Variants in BRCA1 observed in about 807,000 individuals in gnomAD.
BRCA1 encodes the protein BRCA1 DNA repair associated.
In BRCA1, 140 loss-of-function variants were observed where a neutral mutation model predicts 173.7. That is an observed-to-expected ratio of 0.81 (90% CI 0.70 to 0.93). BRCA1 has a LOEUF of 0.93. Among genes scored for constraint, BRCA1 ranks in the 40% least tolerant of loss-of-function variants. The pLI, the probability that BRCA1 is intolerant of heterozygous loss-of-function variation, is 0.00. For missense variants in BRCA1, 1,983 were observed against 2,172.5 expected, an observed-to-expected ratio of 0.91 and a Z score of 1.73; for synonymous variants, 662 against 756.0, an observed-to-expected ratio of 0.88 and a Z score of 2.04.
chr17:43,123,674 C>T (rs558978558), intron 2 of BRCA1, among the ~76,000 whole-genome samples: 21 of 152,186 alleles, frequency 1.4e-4, no homozygotes, highest in South Asian at 4.1e-4. Flanking sequence ...TTTGCCATTT[C>T]AAGTGATGGA....
chr17:43,167,626 T>C (rs1465516816), intron 1 of BRCA1: 1 of 152,186 alleles, frequency 6.6e-6, no homozygotes, highest in African/African-American at 2.4e-5. Flanking sequence ...TTCTGCCCTT[T>C]AGTTTTTACT....
At chr17:43,059,383 G>A (rs2051647407) in intron 18 of BRCA1, among the ~76,000 whole-genome samples, 1 of 152,046 alleles carries the variant, frequency 6.6e-6, no homozygotes, top group Non-Finnish European at 1.5e-5. Flanking sequence ...AAAATCACTT[G>A]AACCGGGAGG....
At chr17:43,122,237 G>A (rs1209259382) in intron 2 of BRCA1, among the ~76,000 whole-genome samples, 1 of 152,070 alleles carries the variant, frequency 6.6e-6, no homozygotes, top group Non-Finnish European at 1.5e-5. Flanking sequence ...TTTATTGTGG[G>A]TAAGAGGCAA....
chr17:43,163,226 T>C (rs2056247364), intron 1 of BRCA1: 1 of 152,216 alleles, frequency 6.6e-6, no homozygotes, highest in Admixed American at 6.5e-5. Flanking sequence ...TCTAGTTGTT[T>C]TGAGAGATAG....
At chr17:43,133,025 G>T (rs1181260388) in intron 1 of BRCA1, 1 of 152,122 alleles carries the variant, frequency 6.6e-6, no homozygotes, top group Non-Finnish European at 1.5e-5. Context: ...GCTGTCCTCG[G>T]TCTCCCAAAG....
At chr17:43,139,330 G>A (rs530875814) in intron 1 of BRCA1, among the ~76,000 whole-genome samples, 7 of 147,726 alleles carry the variant, frequency 4.7e-5, no homozygotes, top group Non-Finnish European at 7.4e-5. Flanking sequence ...AGATTATTTC[G>A]TCACCCAGGC....
rs2154489161 is a variant in BRCA1, at chr17:43,094,677, T to C, written c.854A>G (p.His285Arg). 1.9e-6 allele frequency: 3 copies of C among 1,614,106 alleles called. No individual in the cohort carries two copies. Among genetic ancestry groups the C allele is most frequent in the South Asian group, 2.2e-5 (2 of 91,084 alleles). ...AGTGAGTAATAAACTGCTGTTCTCATGCTGTAATGAGCTGGCATGAGTATT... is the reference window on the plus strand; with the variant it reads ...AGTGAGTAATAAACTGCTGTTCTCACGCTGTAATGAGCTGGCATGAGTATT... ...GTNTHASSLQ[H>R]ENSSLLLTKD... The change falls in exon 10 of 23, where the codon CAT becomes CGT. Residue 285 changes from histidine to arginine, a missense_variant. Transcript: ENST00000357654.
chr17:43,082,650 C>G (rs2053076593), intron 11 of BRCA1, 75 bp from the exon 12 acceptor site: 2 of 1,512,914 alleles, frequency 1.3e-6, no homozygotes, highest in South Asian at 2.3e-5. Flanking sequence ...ATATATCATA[C>G]AAATTAATTT....
At chr17:43,091,342 T>C (rs749750694) in intron 10 of BRCA1, 93 bp downstream of exon 10, 1 of 1,509,878 alleles carries the variant, frequency 6.6e-7, no homozygotes, top group South Asian at 1.1e-5. Flanking sequence ...TAACTATACT[T>C]GGAAATTTGT....
chr17:43,144,842 G>C, intron 1 of BRCA1: 1 of 481,322 alleles, frequency 2.1e-6, no homozygotes, highest in South Asian at 1.7e-5. Flanking sequence ...CCAACATAGC[G>C]AGAGCAGCTC....
chr17:43,046,449 T>C (rs568603740), intron 22 of BRCA1, among the ~76,000 whole-genome samples: 1 of 150,162 alleles, frequency 6.7e-6, no homozygotes, highest in East Asian at 2.0e-4. Context: ...TCAGGCTGGA[T>C]TGTGATGGTG....
rs1322241948 is a variant in BRCA1, at chr17:43,045,590, G to A, written c.*88C>T. ...TAGCCAGGACAGTAGAAGGACTGAAGAGTGAGAGGAGCTCCCAGGGCCTGG... is the reference window on the plus strand; with the variant it reads ...TAGCCAGGACAGTAGAAGGACTGAAAAGTGAGAGGAGCTCCCAGGGCCTGG... On this transcript the variant is annotated 3_prime_UTR_variant, in exon 23 of 23. Coordinates refer to ENST00000357654, the MANE Select transcript of BRCA1 (RefSeq NM_007294.4). The A allele has an allele frequency of 5.8e-6, 9 of 1,553,770 alleles. No homozygotes were observed. The highest frequency in any genetic ancestry group is 7.1e-6 in the Non-Finnish European group (8 of 1,130,240).
chr17:43,104,436 C>T (rs1223507713), intron 5 of BRCA1, among the ~76,000 whole-genome samples, 175 bp from the exon 6 acceptor site: 2 of 152,018 alleles, frequency 1.3e-5, no homozygotes, highest in Admixed American at 6.6e-5. Context: ...GGAAATTTTA[C>T]TCCTAGGAAA....
intron 3 of BRCA1, among the ~76,000 whole-genome samples, chr17:43,109,490 G>T (rs1000947581): frequency 6.6e-6 from 1 of 152,112 alleles, no homozygotes; most frequent in East Asian, 1.9e-4. Context: ...GGTAGGTAAG[G>T]TCAAGGAGAC....
At chr17:43,149,273 T>G (rs894444901) in intron 1 of BRCA1, among the ~76,000 whole-genome samples, 4 of 151,574 alleles carry the variant, frequency 2.6e-5, no homozygotes, top group South Asian at 4.2e-4. Flanking sequence ...TAGTTTTTTT[T>G]TTTTTTTTTT....
chr17:43,168,625 G>A (rs1430989740), intron 1 of BRCA1, among the ~76,000 whole-genome samples: 1 of 152,166 alleles, frequency 6.6e-6, no homozygotes, highest in Non-Finnish European at 1.5e-5. Flanking sequence ...GGCAACAAGA[G>A]CGAAGCTCCG....
intron 1 of BRCA1, among the ~76,000 whole-genome samples, chr17:43,158,832 T>C (rs1219836501): frequency 1.3e-5 from 2 of 152,176 alleles, no homozygotes; most frequent in African/African-American, 4.8e-5. Flanking sequence ...GGTCAGCTAG[T>C]AATAAGTGTT....
rs547593667 is a variant in BRCA1, at chr17:43,049,252, C to A, written c.5333-58G>T. On this transcript the variant is annotated intron_variant, in intron 20 of 22. Transcript: ENST00000357654. Reference sequence around the variant, plus strand: ...AGTAATCTGCATACTTAACCCAGGCCCTCTACCCTACACTCTCCGGATGAA... The same window carrying A: ...AGTAATCTGCATACTTAACCCAGGCACTCTACCCTACACTCTCCGGATGAA... 6.7e-7 allele frequency: 1 copy of A among 1,489,218 alleles called. No homozygotes were observed. The highest frequency in any genetic ancestry group is 1.7e-5 in the Admixed American group (1 of 59,532). 92.3% of individuals were successfully genotyped at this position (1,489,218 alleles called of 1,614,324 possible). A position where few individuals can be genotyped will look rare whatever the true frequency, so the allele number is the denominator to read the frequency against.
chr17:43,124,513 A>G (rs573514669), intron 1 of BRCA1, among the ~76,000 whole-genome samples: 3 of 152,052 alleles, frequency 2.0e-5, no homozygotes, highest in African/African-American at 7.2e-5. Flanking sequence ...CCCGCCCCTA[A>G]CCTTTCCCAG....
Sources: allele counts gnomAD v4.1 joint callset (sites outside exome capture counted in the v4.1 genomes callset), GRCh38; gene constraint gnomAD v4.1.1; transcripts MANE v1.5; gene names NCBI Gene and HGNC (gene_info 2026-07-23, HGNC 2026-07-21).